GPRIN3: variants seen among roughly 807,000 people sequenced by gnomAD.
GPRIN3 encodes the protein G protein-regulated inducer of neurite outgrowth 3.
In GPRIN3, 12 loss-of-function variants were observed where a neutral mutation model predicts 13.7. The observed-to-expected ratio is 0.87, with a 90% CI of 0.56 to 1.42. The LOEUF (loss-of-function observed/expected upper bound fraction) is 1.42, where lower values mean the gene tolerates loss of function less well. Ranked by LOEUF, GPRIN3 falls within the 40% of genes most tolerant of loss-of-function variation. GPRIN3 has a pLI of 0.00. For synonymous variants in GPRIN3, 377 were observed against 372.7 expected, an observed-to-expected ratio of 1.01 and a Z score of -0.13; for missense variants, 1,009 against 958.7, an observed-to-expected ratio of 1.05 and a Z score of -0.69.
At chr4:89,292,245 T>C (rs2110016056) in intron 1 of GPRIN3, among the ~76,000 whole-genome samples, 1 of 152,324 alleles carries the variant, frequency 6.6e-6, no homozygotes, top group Non-Finnish European at 1.5e-5. Flanking sequence ...ACTATATACT[T>C]TCTTCCCTTT....
chr4:89,301,006 C>T (rs558748298), intron 1 of GPRIN3, among the ~76,000 whole-genome samples: 1 of 152,236 alleles, frequency 6.6e-6, no homozygotes, highest in East Asian at 1.9e-4. Context: ...GAAAGGCATG[C>T]TTAATTAACA....
chr4:89,294,884 G>C (rs758851950), intron 1 of GPRIN3, among the ~76,000 whole-genome samples: 3 of 152,136 alleles, frequency 2.0e-5, no homozygotes, highest in Non-Finnish European at 4.4e-5. Context: ...TCTTAACAAA[G>C]TTTCTCAAGG....
chr4:89,258,051 T>C (rs1376105135), intron 1 of GPRIN3, among the ~76,000 whole-genome samples: 3 of 151,388 alleles, frequency 2.0e-5, no homozygotes, highest in African/African-American at 4.8e-5. Flanking sequence ...CTTTTTCCTC[T>C]TACCTTCCTA....
Position 89,244,783 on chromosome 4 carries a change from A to G in GPRIN3, c.*2997T>C, listed in dbSNP as rs1723043170. The stretch of plus-strand genomic sequence containing the variant: ...AATTGTCTTCCAGACATGGAGTTCT[A>G]ACTCACCTTTTTACTACTGGTTTAA... On this transcript the variant is annotated 3_prime_UTR_variant, in exon 2 of 2. Coordinates refer to ENST00000609438, the MANE Select transcript of GPRIN3 (RefSeq NM_198281.3). 6.6e-6 allele frequency: 1 copy of G among 152,224 alleles called. No individual in the cohort carries two copies. The highest frequency in any genetic ancestry group is 2.4e-5 in the African/African-American group (1 of 41,472). 9.4% of individuals were successfully genotyped at this position (152,224 alleles called of 1,614,324 possible).
intron 1 of GPRIN3, among the ~76,000 whole-genome samples, chr4:89,305,979 A>G (rs1268797038): frequency 6.6e-6 from 1 of 152,174 alleles, no homozygotes; most frequent in East Asian, 1.9e-4. Context: ...CACACTGTAC[A>G]TGGCTCTCCA....
At chr4:89,286,091 G>GTGTATATATATATATA (rs1039903535) in intron 1 of GPRIN3, among the ~76,000 whole-genome samples, 12 of 146,720 alleles carry the variant, frequency 8.2e-5, no homozygotes, top group East Asian at 8.0e-4. Context: ...ATGTGTGTGT[G>GTGTATATATATATATA]TATATATATA....
chr4:89,255,519 A>C (rs554738360), intron 1 of GPRIN3, among the ~76,000 whole-genome samples: 74 of 152,326 alleles, frequency 4.9e-4, no homozygotes, highest in African/African-American at 1.8e-3. Context: ...GATGGGGCTC[A>C]AATTCAAATA....
At chr4:89,266,671 C>T (rs1458055737) in intron 1 of GPRIN3, among the ~76,000 whole-genome samples, 1 of 152,168 alleles carries the variant, frequency 6.6e-6, no homozygotes. Context: ...ACAACTGCAT[C>T]TCCCTATTGT....
rs1196195453 is a variant in GPRIN3 at position 89,240,752 on chromosome 4, G to C, written c.*7028C>G. ...ATTCAATAATAATATTTGTAAAACA[G>C]AGCAGTCATGGAAATATGCAACTTT... On this transcript the variant is annotated 3_prime_UTR_variant, in exon 2 of 2. Transcript: ENST00000609438. 1.3e-5 allele frequency: 2 copies of C among 152,118 alleles called. No individual in the cohort carries two copies. The highest frequency in any genetic ancestry group is 4.8e-5 in the African/African-American group (2 of 41,414). The allele number at this position is 152,118 out of a possible 1,614,324, so 9.4% of individuals were successfully genotyped here.
intron 1 of GPRIN3, among the ~76,000 whole-genome samples, chr4:89,281,102 G>A (rs980650190): frequency 1.3e-5 from 2 of 151,798 alleles, no homozygotes; most frequent in Admixed American, 6.6e-5. Context: ...GAGCAAGACA[G>A]AGAGCAAGGT....
intron 1 of GPRIN3, among the ~76,000 whole-genome samples, chr4:89,263,068 G>A (rs981879075): frequency 3.9e-5 from 6 of 152,100 alleles, no homozygotes; most frequent in South Asian, 2.1e-4. Flanking sequence ...TCAAATCCAC[G>A]TCTTCTGTCA....
chr4:89,249,884 G>A lies in GPRIN3; in HGVS notation c.227C>T (p.Pro76Leu). 6.2e-7 allele frequency: 1 copy of A among 1,614,210 alleles called. No individual in the cohort carries two copies. ...MQVCEHETTQPDMSSPGVFNE... is the reference protein window; with the variant it reads ...MQVCEHETTQLDMSSPGVFNE... ...GAACACACCAGGAGAAGACATATCT[G>A]GTTGGGTGGTCTCATGCTCACAAAC... is the stretch of plus-strand genomic sequence containing the variant. Residue 76 changes from proline (P) to leucine (L), a missense_variant, in exon 2 of 2, where the codon CCA becomes CTA. Transcript: ENST00000609438.
At position 89,249,283 on chromosome 4, in the gene GPRIN3, T is replaced by C. The variant is rs1375109824; in HGVS notation, c.828A>G (p.Ala276=). The C allele has an allele frequency of 6.2e-7, 1 of 1,613,918 alleles. No individual in the cohort carries two copies. Among genetic ancestry groups the C allele is most frequent in the Admixed American group, 1.7e-5 (1 of 60,006 alleles). Residue 276 remains alanine (A), a synonymous_variant, in exon 2 of 2, where the codon GCA becomes GCG. Coordinates refer to ENST00000609438, the MANE Select transcript of GPRIN3 (RefSeq NM_198281.3). ...QPTPLTSEPS[A]CPPGPEKVPL... ...GCACCTTCTCTGGACCTGGGGGACATGCCGAAGGTTCGCTAGTGAGGGGGG... is the reference window on the plus strand; with the variant it reads ...GCACCTTCTCTGGACCTGGGGGACACGCCGAAGGTTCGCTAGTGAGGGGGG...
At chr4:89,277,920 C>T (rs1724137444) in intron 1 of GPRIN3, among the ~76,000 whole-genome samples, 1 of 152,162 alleles carries the variant, frequency 6.6e-6, no homozygotes, top group African/African-American at 2.4e-5. Flanking sequence ...TTGGGTAGTT[C>T]CTGCTCCTCA....
chr4:89,238,880 T>C lies in GPRIN3; in HGVS notation c.*8900A>G, dbSNP rs1406023978. ...AATTGTATCTATATTACATTTATTA[T>C]GAAAAGTGAGATGCAAAAAAATCAT... is the stretch of plus-strand genomic sequence containing the variant. On this transcript the variant is annotated 3_prime_UTR_variant, in exon 2 of 2. Transcript: ENST00000609438. 1.3e-5 allele frequency: 2 copies of C among 152,214 alleles called. No individual in the cohort carries two copies. Among genetic ancestry groups the C allele is most frequent in the Non-Finnish European group, 2.9e-5 (2 of 68,044 alleles). The allele number at this position is 152,214 out of a possible 1,614,324, so 9.4% of individuals were successfully genotyped here. A position where few individuals can be genotyped will look rare whatever the true frequency, so the allele number is the denominator to read the frequency against.
intron 1 of GPRIN3, among the ~76,000 whole-genome samples, chr4:89,263,229 A>C (rs1438555823): frequency 6.6e-6 from 1 of 152,232 alleles, no homozygotes; most frequent in Non-Finnish European, 1.5e-5. Flanking sequence ...TGTGCATAAA[A>C]AATTTTAATC....
At chr4:89,277,923 G>C (rs183018955) in intron 1 of GPRIN3, among the ~76,000 whole-genome samples, 224 of 152,272 alleles carry the variant, frequency 1.5e-3, no homozygotes, top group African/African-American at 4.9e-3. Context: ...GGTAGTTCCT[G>C]CTCCTCAGCT....
intron 1 of GPRIN3, among the ~76,000 whole-genome samples, chr4:89,300,858 A>G (rs956211940): frequency 6.6e-6 from 1 of 152,208 alleles, no homozygotes; most frequent in African/African-American, 2.4e-5. Flanking sequence ...GAAAATGAAC[A>G]TGCATTTACT....
Position 89,260,557 on chromosome 4 carries a change from A to T in GPRIN3, c.-123-10324T>A, listed in dbSNP as rs1723596185. ...AGGAAATATCAATCCTTTTGAGGAGACAAGACAAATTCAATAAGAAGCTAT... is the reference window on the plus strand; with the variant it reads ...AGGAAATATCAATCCTTTTGAGGAGTCAAGACAAATTCAATAAGAAGCTAT... On this transcript the variant is annotated intron_variant, in intron 1 of 1. Transcript: ENST00000609438. Among the ~76,000 whole-genome samples the T allele has an allele frequency of 2.0e-5, 3 of 152,326 alleles. No homozygotes were observed. The South Asian group carries it at 6.2e-4, about 32-fold the overall frequency.
Sources: allele counts gnomAD v4.1 joint callset (sites outside exome capture counted in the v4.1 genomes callset), GRCh38; gene constraint gnomAD v4.1.1; transcripts MANE v1.5; gene names NCBI Gene and HGNC (gene_info 2026-07-23, HGNC 2026-07-21).